FMO4: variants seen among roughly 807,000 people sequenced by gnomAD.
FMO4 encodes the protein dimethylaniline monooxygenase [N-oxide-forming] 4.
FMO4 carries 38 observed loss-of-function variants against 43.3 expected under a neutral mutation model. That is an observed-to-expected ratio of 0.88 (90% CI 0.68 to 1.15). FMO4 has a LOEUF of 1.15. Among genes scored for constraint, FMO4 ranks in the 50% most tolerant of loss-of-function variants. FMO4 has a pLI of 0.00. For synonymous variants in FMO4, 224 were observed against 232.2 expected (o/e 0.96, Z 0.32); for missense variants, 631 against 663.3 (o/e 0.95, Z 0.54).
At chr1:171,328,074 CTT>C (rs993575921) in intron 5 of FMO4, among the ~76,000 whole-genome samples, 1 of 152,042 alleles carries the variant, frequency 6.6e-6, no homozygotes, top group Non-Finnish European at 1.5e-5. Flanking sequence ...GAGTTTTGCT[CTT>C]GTTCCCCAGG....
At chr1:171,315,094 C>T (rs1456728600) in intron 1 of FMO4, among the ~76,000 whole-genome samples, 1 of 152,164 alleles carries the variant, frequency 6.6e-6, no homozygotes, top group Non-Finnish European at 1.5e-5. Context: ...GAGTTTGAGA[C>T]CAGCCTGACC....
At chr1:171,324,716 G>A (rs1215424113) in intron 5 of FMO4, among the ~76,000 whole-genome samples, 1 of 152,002 alleles carries the variant, frequency 6.6e-6, no homozygotes, top group East Asian at 1.9e-4. Flanking sequence ...AATTAAACAT[G>A]TAAAGCAATA....
At chr1:171,329,970 T>C (rs573821989) in intron 5 of FMO4, among the ~76,000 whole-genome samples, 2 of 152,364 alleles carry the variant, frequency 1.3e-5, no homozygotes, top group South Asian at 4.1e-4. Context: ...GCGTAGTGTA[T>C]AAGATGTTTC....
At chr1:171,341,308 C>G in intron 9 of FMO4, 105 bp from the exon 10 acceptor site, 1 of 803,696 alleles carries the variant, frequency 1.2e-6, no homozygotes, top group Non-Finnish European at 1.9e-6. Flanking sequence ...TTTGATTTCC[C>G]CCAAAAAATG....
At chr1:171,316,475 T>C (rs182665335) in intron 2 of FMO4, 148 bp downstream of exon 2, 1 of 152,322 alleles carries the variant, frequency 6.6e-6, no homozygotes, top group Admixed American at 6.5e-5. Flanking sequence ...CACTTTTTTG[T>C]GTAAGTAATA....
chr1:171,330,315 C>T (rs551332775), intron 5 of FMO4, among the ~76,000 whole-genome samples: 45 of 152,354 alleles, frequency 3.0e-4, no homozygotes, highest in Middle Eastern at 3.4e-3. Flanking sequence ...ATTGTTTCCT[C>T]TGTCACCTCC....
chr1:171,316,037 G>C (rs1203130371), intron 1 of FMO4, 149 bp from the exon 2 acceptor site: 1 of 151,844 alleles, frequency 6.6e-6, no homozygotes, highest in Non-Finnish European at 1.5e-5. Context: ...TTATCTTCAG[G>C]GCCCCATACT....
At chr1:171,332,618 A>G in intron 6 of FMO4, 91 bp from the exon 7 acceptor site, 1 of 1,039,388 alleles carries the variant, frequency 9.6e-7, no homozygotes, top group Non-Finnish European at 1.5e-6. Context: ...AAAAGACCAG[A>G]CTGGAATAAG....
chr1:171,318,476 C>A (rs1468506617), intron 2 of FMO4, among the ~76,000 whole-genome samples: 1 of 151,810 alleles, frequency 6.6e-6, no homozygotes, highest in East Asian at 1.9e-4. Flanking sequence ...TATGGTGAGA[C>A]CCCATTTCTA....
At chr1:171,328,239 C>T (rs553293541) in intron 5 of FMO4, among the ~76,000 whole-genome samples, 54 of 152,110 alleles carry the variant, frequency 3.6e-4, no homozygotes, top group Middle Eastern at 3.4e-3. Flanking sequence ...GATGAGGTTT[C>T]GCCATGTTGG....
At chr1:171,331,900 G>T in intron 6 of FMO4, 118 bp downstream of exon 6, 2 of 780,740 alleles carry the variant, frequency 2.6e-6, no homozygotes, top group Non-Finnish European at 4.0e-6. Context: ...CACACAGTAA[G>T]TGGGAAAAAA....
Position 171,341,454 on chromosome 1 carries a change from T to TTGCCTACATGGATGATATCGC in FMO4, c.1298_1318dup (p.Tyr433_Ala439dup). On this transcript the variant is annotated inframe_insertion, in exon 10 of 10. Coordinates refer to ENST00000367749, the MANE Select transcript of FMO4 (RefSeq NM_002022.3). ...ACCAGCAAAGACAAATTTGACTACA[T>TTGCCTACATGGATGATATCGC]TGCCTACATGGATGATATCGCTGCC... is the stretch of plus-strand genomic sequence containing the variant. 1 of 1,613,858 alleles carries TTGCCTACATGGATGATATCGC rather than the reference T, an allele frequency of 6.2e-7. No homozygotes were observed. Among genetic ancestry groups the TTGCCTACATGGATGATATCGC allele is most frequent in the South Asian group, 1.1e-5 (1 of 91,076 alleles).
chr1:171,333,037 A>G (rs940991317), intron 7 of FMO4, 129 bp downstream of exon 7: 2 of 623,456 alleles, frequency 3.2e-6, no homozygotes, highest in Admixed American at 5.8e-5. Flanking sequence ...CCATTTCCCT[A>G]AAACACTGTT....
At chr1:171,339,522 T>C (rs964953145) in intron 9 of FMO4, among the ~76,000 whole-genome samples, 1 of 152,162 alleles carries the variant, frequency 6.6e-6, no homozygotes, top group African/African-American at 2.4e-5. Flanking sequence ...TCCTTTCTTA[T>C]AACCGTGCCA....
At chr1:171,322,858 A>C (rs1263952577) in intron 3 of FMO4, 146 bp from the exon 4 acceptor site, 3 of 625,064 alleles carry the variant, frequency 4.8e-6, no homozygotes, top group East Asian at 5.5e-5. Flanking sequence ...ATCTAAATCA[A>C]TCAATCAATA....
chr1:171,318,847 C>T (rs1024642055), intron 2 of FMO4, among the ~76,000 whole-genome samples: 1 of 152,138 alleles, frequency 6.6e-6, no homozygotes, highest in Non-Finnish European at 1.5e-5. Flanking sequence ...GTTCCCTGAG[C>T]CCCCGCAGAA....
intron 9 of FMO4, 48 bp from the exon 10 acceptor site, chr1:171,341,365 C>T (rs1409399529): frequency 1.4e-6 from 2 of 1,417,628 alleles, no homozygotes; most frequent in Non-Finnish European, 9.7e-7. Flanking sequence ...TTGAGAAATG[C>T]AGGGCAGGTG....
intron 8 of FMO4, among the ~76,000 whole-genome samples, chr1:171,336,370 T>G (rs1037185907): frequency 2.1e-4 from 32 of 152,104 alleles, no homozygotes; most frequent in Admixed American, 1.2e-3. Flanking sequence ...GCTGGACAAC[T>G]GCAGAGAATT....
intron 5 of FMO4, 66 bp downstream of exon 5, chr1:171,324,366 T>C: frequency 9.0e-6 from 12 of 1,330,536 alleles, no homozygotes; most frequent in Non-Finnish European, 1.2e-5. Flanking sequence ...ACTTATTGAT[T>C]TGCAGTTGGA....
Sources: allele counts gnomAD v4.1 joint callset (sites outside exome capture counted in the v4.1 genomes callset), GRCh38; gene constraint gnomAD v4.1.1; transcripts MANE v1.5; gene names NCBI Gene and HGNC (gene_info 2026-07-23, HGNC 2026-07-21).